SPTB: variants seen among roughly 807,000 people sequenced by gnomAD.
The protein encoded by SPTB is spectrin beta chain, erythrocytic.
In SPTB, 45 loss-of-function variants were observed where a neutral mutation model predicts 256.2. That is an observed-to-expected ratio of 0.18 (90% CI 0.14 to 0.23). The LOEUF is 0.23. Ranked by LOEUF, SPTB falls within the 10% of genes least tolerant of loss-of-function variation. The pLI is 1.00. For synonymous variants in SPTB, 1,231 were observed against 1,243.1 expected, an observed-to-expected ratio of 0.99 and a Z score of 0.21; for missense variants, 2,715 against 3,040.4, an observed-to-expected ratio of 0.89 and a Z score of 2.52.
rs1594752693 is a variant in SPTB at position 64,766,750 on chromosome 14, A to G, written c.6321T>C (p.His2107=). 5 of 1,571,840 alleles carry G rather than the reference A, an allele frequency of 3.2e-6. 1 individual carries two copies. Among genetic ancestry groups the G allele is most frequent in the East Asian group, 4.6e-5 (2 of 43,592 alleles). ...ETAGEAPVSH[H]AATERTSPGE... ...CCGGGGACGTTCTCTCGGTGGCCGC[A>G]TGGTGGGAAACTGGAGCCTCCCCTG... is the stretch of plus-strand genomic sequence containing the variant. Residue 2107 remains histidine (H), a synonymous_variant, in exon 32 of 36, where the codon CAT becomes CAC. Coordinates refer to ENST00000644917, the MANE Select transcript of SPTB (RefSeq NM_001355436.2).
chr14:64,820,110 G>C (rs969234178), intron 2 of SPTB, among the ~76,000 whole-genome samples: 1 of 152,126 alleles, frequency 6.6e-6, no homozygotes, highest in Non-Finnish European at 1.5e-5. Context: ...ATATACCTAT[G>C]AAGTAGATCA....
intron 32 of SPTB, among the ~76,000 whole-genome samples, chr14:64,765,269 C>T (rs1468539337): frequency 3.3e-5 from 5 of 152,132 alleles, no homozygotes; most frequent in Non-Finnish European, 5.9e-5. Context: ...GGATCTGTGG[C>T]TCCCTTGGCC....
chr14:64,800,650 G>A, intron 8 of SPTB, 106 bp downstream of exon 8: 1 of 965,120 alleles, frequency 1.0e-6, no homozygotes, highest in Non-Finnish European at 1.6e-6. Context: ...GTTGGGGGGT[G>A]GGTGAGCTGT....
Position 64,866,477 on chromosome 14 carries a change from G to A in SPTB, c.-52+13315C>T, listed in dbSNP as rs750444820. Among the ~76,000 whole-genome samples the A allele has an allele frequency of 9.2e-5, 14 of 152,104 alleles. No individual in the cohort carries two copies. The highest frequency in any genetic ancestry group is 1.3e-4 in the Admixed American group (2 of 15,272). On this transcript the variant is annotated intron_variant, in intron 1 of 35. Transcript: ENST00000644917. The surrounding 1 kb of genome is among the most constrained non-coding windows in gnomAD (Gnocchi z 4.6). ...GCCTTTGAGGGCCTTCCGCTTATCAGTTCATCTCAGACCCCACCACATACT... is the reference window on the plus strand; with the variant it reads ...GCCTTTGAGGGCCTTCCGCTTATCAATTCATCTCAGACCCCACCACATACT...
In SPTB at chr14:64,750,160, A is replaced by T; in HGVS notation, c.6603-6T>A. 1 of 1,609,942 alleles carries T rather than the reference A, an allele frequency of 6.2e-7. No individual in the cohort carries two copies. The highest frequency in any genetic ancestry group is 8.5e-7 in the Non-Finnish European group (1 of 1,176,546). On this transcript the variant is annotated splice_polypyrimidine_tract_variant and splice_region_variant and intron_variant, in intron 33 of 35. Transcript: ENST00000644917. ...AGTACAGGTTGTTCCAGGACCTGCA[A>T]AGATGCAGACAGGCAGGTCACCCAC... is the stretch of plus-strand genomic sequence containing the variant.
At chr14:64,857,457 G>GTATA (rs1215294658) in intron 1 of SPTB, among the ~76,000 whole-genome samples, 1 of 151,470 alleles carries the variant, frequency 6.6e-6, no homozygotes, top group East Asian at 1.9e-4. Context: ...TGGTATGCAT[G>GTATA]TATAGTCCCA....
rs73275650 is a variant in SPTB at position 64,797,938 on chromosome 14, G to A, written c.1065-92C>T. On this transcript the variant is annotated intron_variant, in intron 9 of 35. Transcript: ENST00000644917. Reference sequence around the variant, plus strand: ...CAACACGGAACTGTGGCATCTTGAAGCGTAGATAGCAAAGCATATTTCCCT... The same window carrying A: ...CAACACGGAACTGTGGCATCTTGAAACGTAGATAGCAAAGCATATTTCCCT... 531 of 854,320 alleles carry A rather than the reference G, an allele frequency of 6.2e-4. 3 individuals are homozygous for A. The African/African-American group carries it at 8.0e-3, about 13-fold the overall frequency. The allele number at this position is 854,320 out of a possible 1,614,324, so 52.9% of individuals were successfully genotyped here. A position where few individuals can be genotyped will look rare whatever the true frequency, so the allele number is the denominator to read the frequency against.
chr14:64,872,801 T>A (rs1052186405), intron 1 of SPTB, among the ~76,000 whole-genome samples: 2 of 152,318 alleles, frequency 1.3e-5, no homozygotes, highest in East Asian at 3.9e-4. Flanking sequence ...GTTCTCGTGA[T>A]AGTGAAGAAG....
chr14:64,749,476 G>T lies in SPTB; in HGVS notation c.6820-3C>A. 6.3e-7 allele frequency: 1 copy of T among 1,599,770 alleles called. No homozygotes were observed. Among genetic ancestry groups the T allele is most frequent in the South Asian group, 1.1e-5 (1 of 90,880 alleles). On this transcript the variant is annotated splice_polypyrimidine_tract_variant and splice_region_variant and intron_variant, in intron 35 of 35. Transcript: ENST00000644917. The surrounding 1 kb of genome is among the most constrained non-coding windows in gnomAD (Gnocchi z 4.7). The stretch of plus-strand genomic sequence containing the variant: ...TGCAGCCAGGACAGCATCTCCTCCT[G>T]CGGGGCGGAGGGTCACGGTGGAGTC...
chr14:64,813,488 G>A (rs1243034673), intron 2 of SPTB, among the ~76,000 whole-genome samples: 1 of 152,118 alleles, frequency 6.6e-6, no homozygotes, highest in Non-Finnish European at 1.5e-5. Flanking sequence ...TGGGGAACCA[G>A]AGTGAGCCAT....
Position 64,775,471 on chromosome 14 carries a change from G to T in SPTB, c.4564-68C>A. Reference sequence around the variant, plus strand: ...TGCGGGGGAGGCTGCTTCAGCAGTGGCAGCACAGCTCTGACACCCTTGGTC... The same window carrying T: ...TGCGGGGGAGGCTGCTTCAGCAGTGTCAGCACAGCTCTGACACCCTTGGTC... On this transcript the variant is annotated intron_variant, in intron 22 of 35. Transcript: ENST00000644917. This position sits in a 1 kb window ranked among gnomAD's most constrained non-coding sequence, Gnocchi z 5.0. 1 of 1,556,580 alleles carries T rather than the reference G, an allele frequency of 6.4e-7. No homozygotes were observed. The highest frequency in any genetic ancestry group is 1.2e-5 in the South Asian group (1 of 82,360).
chr14:64,775,195 A>C lies in SPTB; in HGVS notation c.4772T>G (p.Leu1591Arg). The C allele has an allele frequency of 6.2e-7, 1 of 1,613,950 alleles. No homozygotes were observed. The highest frequency in any genetic ancestry group is 8.5e-7 in the Non-Finnish European group (1 of 1,180,026). The change falls in exon 23 of 36, where the codon CTG becomes CGG. Residue 1591 changes from leucine to arginine, a missense_variant. Coordinates refer to ENST00000644917, the MANE Select transcript of SPTB (RefSeq NM_001355436.2). The surrounding 1 kb of genome is among the most constrained non-coding windows in gnomAD (Gnocchi z 5.0). ...RDANEAQQYY[L>R]DADEAEAWIG... The stretch of plus-strand genomic sequence containing the variant: ...CCAGGCCTCAGCCTCGTCTGCATCC[A>C]GGTAGTACTGCTGTGCCTCGTTGGC...
In SPTB at chr14:64,843,444, A is replaced by T. The variant is rs544185634; in HGVS notation, c.-51-20299T>A. Among the ~76,000 whole-genome samples the T allele has an allele frequency of 4.6e-5, 7 of 152,308 alleles. No individual in the cohort carries two copies. The South Asian group carries it at 1.0e-3, about 23-fold the overall frequency. On this transcript the variant is annotated intron_variant, in intron 1 of 35. Transcript: ENST00000644917. ...TGTTTTTATACTTCACTGGGGAAAA[A>T]AAAACCCAAACCAATGTTTGAATGT...
chr14:64,805,948 C>A (rs1026802785), intron 2 of SPTB, among the ~76,000 whole-genome samples: 3 of 152,236 alleles, frequency 2.0e-5, no homozygotes. Flanking sequence ...TGACATGACA[C>A]CCCTATCCTA....
At chr14:64,840,871 A>G (rs2083595520) in intron 1 of SPTB, among the ~76,000 whole-genome samples, 2 of 152,238 alleles carry the variant, frequency 1.3e-5, no homozygotes. Context: ...CATACAAGAC[A>G]GTACCATTAT....
rs1006950286 is a variant in SPTB at position 64,807,968 on chromosome 14, T to C, written c.149-2878A>G. On this transcript the variant is annotated intron_variant, in intron 2 of 35. Transcript: ENST00000644917. This position sits in a 1 kb window ranked among gnomAD's most constrained non-coding sequence, Gnocchi z 4.7. ...AGGGGGTGAGTCCACCAGCATGGAC[T>C]GGCTGACAGCCTCTGCTGCCATCAA... 2.6e-5 allele frequency among the ~76,000 whole-genome samples: 4 copies of C among 152,252 alleles called. No homozygotes were observed. Among genetic ancestry groups the C allele is most frequent in the African/African-American group, 9.6e-5 (4 of 41,482 alleles).
rs373167128 is a variant in SPTB at position 64,769,564 on chromosome 14, C to T, written c.5937+26G>A. 200 of 1,612,830 alleles carry T rather than the reference C, an allele frequency of 1.2e-4. No individual in the cohort carries two copies. The highest frequency in any genetic ancestry group is 1.0e-3 in the African/African-American group (77 of 74,900). On this transcript the variant is annotated intron_variant, in intron 28 of 35. Coordinates refer to ENST00000644917, the MANE Select transcript of SPTB (RefSeq NM_001355436.2). ...CAGTGGGGACGGAGACGGAGGAGCT[C>T]GCCTCCATCCTTGCAGTCCCCTCAC...
Position 64,782,541 on chromosome 14 carries a change from GCTGCTTTCCTTC to G in SPTB, c.4003_4014del (p.Glu1335_Gln1338del), listed in dbSNP as rs2082491016. ...GTAAACTGGGGCTTCTCATCCATCA[GCTGCTTTCCTTC>G]CTAGGGGCAAGAAGGAGGAGAGCTC... On this transcript the variant is annotated inframe_deletion and splice_region_variant, in exon 20 of 36. Coordinates refer to ENST00000644917, the MANE Select transcript of SPTB (RefSeq NM_001355436.2). 1 of 1,613,750 alleles carries G rather than the reference GCTGCTTTCCTTC, an allele frequency of 6.2e-7. No homozygotes were observed. The highest frequency in any genetic ancestry group is 1.3e-5 in the African/African-American group (1 of 74,928).
chr14:64,814,468 TTGTTAATAAAA>T (rs2083152855), intron 2 of SPTB, among the ~76,000 whole-genome samples: 1 of 152,184 alleles, frequency 6.6e-6, no homozygotes, highest in South Asian at 2.1e-4. Context: ...ATATATATTC[TTGTTAATAAAA>T]TGTTAAAAAG....
Sources: allele counts gnomAD v4.1 joint callset (sites outside exome capture counted in the v4.1 genomes callset), GRCh38; gene constraint gnomAD v4.1.1; non-coding constraint Gnocchi (gnomAD v3.1); transcripts MANE v1.5; gene names NCBI Gene and HGNC (gene_info 2026-07-23, HGNC 2026-07-21).